Variants in CACNB2 observed in about 807,000 individuals in gnomAD.
The protein encoded by CACNB2 is voltage-dependent L-type calcium channel subunit beta-2.
Under a neutral mutation model 73.3 loss-of-function variants are expected in CACNB2, and 42 were observed. The ratio of observed to expected loss-of-function variants is 0.57; its 90% CI spans 0.45 to 0.74. CACNB2 has a LOEUF of 0.74. Ranked by LOEUF, CACNB2 falls within the 30% of genes least tolerant of loss-of-function variation. CACNB2 has a pLI of 0.00. For missense variants in CACNB2, 940 were observed against 853.0 expected (o/e 1.10, Z -1.27); for synonymous variants, 348 against 310.3 (o/e 1.12, Z -1.28).
chr10:18,465,238 G>A (rs2047813164), intron 3 of CACNB2, among the ~76,000 whole-genome samples: 2 of 152,210 alleles, frequency 1.3e-5, no homozygotes, highest in African/African-American at 2.4e-5. Context: ...GCTGAGGCAG[G>A]AGAATTGCTT....
At chr10:18,374,860 A>G (rs2042729815) in intron 2 of CACNB2, among the ~76,000 whole-genome samples, 1 of 152,132 alleles carries the variant, frequency 6.6e-6, no homozygotes. Flanking sequence ...TCAGCCTTAG[A>G]ACTGTAATGT....
chr10:18,476,277 G>A (rs1238711578), intron 3 of CACNB2, among the ~76,000 whole-genome samples: 1 of 152,146 alleles, frequency 6.6e-6, no homozygotes, highest in Non-Finnish European at 1.5e-5. Context: ...TACAGTGGAG[G>A]GTGTCCACGT....
intron 2 of CACNB2, among the ~76,000 whole-genome samples, chr10:18,303,365 T>A (rs2039601302): frequency 6.6e-6 from 1 of 151,976 alleles, no homozygotes; most frequent in Non-Finnish European, 1.5e-5. Flanking sequence ...GTTAGTCAAG[T>A]ATGGTGGTGC....
At chr10:18,468,228 G>T (rs1398776840) in intron 3 of CACNB2, among the ~76,000 whole-genome samples, 5 of 152,152 alleles carry the variant, frequency 3.3e-5, no homozygotes, top group African/African-American at 1.2e-4. Flanking sequence ...GGGAGGCTAA[G>T]GCAGGCCGAT....
chr10:18,261,023 T>A, intron 2 of CACNB2: 1 of 1,382,358 alleles, frequency 7.2e-7, no homozygotes, highest in Non-Finnish European at 9.4e-7. Context: ...GAAACCCCCT[T>A]GAAGAAGATC....
intron 2 of CACNB2, among the ~76,000 whole-genome samples, chr10:18,384,244 T>C (rs111286850): frequency 1.6e-4 from 24 of 152,266 alleles, no homozygotes; most frequent in Middle Eastern, 3.4e-3. Flanking sequence ...TGAGGGCAAC[T>C]TGAATATTTT....
chr10:18,221,977 G>T (rs933579063), intron 2 of CACNB2, among the ~76,000 whole-genome samples: 1 of 152,194 alleles, frequency 6.6e-6, no homozygotes, highest in Non-Finnish European at 1.5e-5. Context: ...AGGGACCAGA[G>T]AATTAGGATT....
At chr10:18,403,044 A>C (rs1423541549) in intron 3 of CACNB2, among the ~76,000 whole-genome samples, 1 of 152,204 alleles carries the variant, frequency 6.6e-6, no homozygotes, top group Non-Finnish European at 1.5e-5. Context: ...TGCGGCTGCC[A>C]TCATAGTCTA....
At chr10:18,506,053 A>G (rs1319436687) in intron 5 of CACNB2, among the ~76,000 whole-genome samples, 1 of 152,226 alleles carries the variant, frequency 6.6e-6, no homozygotes, top group Admixed American at 6.5e-5. Context: ...TATTAATAAA[A>G]TAAGCCTAAA....
chr10:18,530,878 T>G (rs2052949862), intron 10 of CACNB2, among the ~76,000 whole-genome samples: 1 of 152,136 alleles, frequency 6.6e-6, no homozygotes, highest in African/African-American at 2.4e-5. Flanking sequence ...GCCATAAAGC[T>G]CTATGAAGCG....
chr10:18,408,955 T>C (rs1488302992), intron 3 of CACNB2, among the ~76,000 whole-genome samples: 1 of 152,128 alleles, frequency 6.6e-6, no homozygotes, highest in Non-Finnish European at 1.5e-5. Context: ...TGGGCTCAAG[T>C]GATCCTCCCA....
chr10:18,365,360 C>T (rs2042305599), intron 2 of CACNB2, among the ~76,000 whole-genome samples: 1 of 152,194 alleles, frequency 6.6e-6, no homozygotes, highest in African/African-American at 2.4e-5. Flanking sequence ...TTTTAATTTT[C>T]AACCTTTCTT....
chr10:18,213,441 C>A (rs1539679), intron 2 of CACNB2, among the ~76,000 whole-genome samples: 134,641 of 152,192 alleles, frequency 0.88, 59,888 homozygotes, highest in African/African-American at 0.95. Context: ...TAGTGGCTTT[C>A]TCTTTGCTCT....
At chr10:18,398,696 C>T (rs199929166) in intron 2 of CACNB2, among the ~76,000 whole-genome samples, 36 of 145,714 alleles carry the variant, frequency 2.5e-4, no homozygotes, top group African/African-American at 7.0e-4. Context: ...CACACATACA[C>T]ACACACACAC....
intron 2 of CACNB2, among the ~76,000 whole-genome samples, chr10:18,347,711 A>C (rs1207581478): frequency 1.3e-5 from 2 of 152,126 alleles, no homozygotes; most frequent in Non-Finnish European, 2.9e-5. Context: ...AGCCTGAGTA[A>C]TTACTTAAGG....
chr10:18,170,868 A>G (rs1407048989), intron 2 of CACNB2, among the ~76,000 whole-genome samples: 1 of 152,194 alleles, frequency 6.6e-6, no homozygotes, highest in Non-Finnish European at 1.5e-5. Flanking sequence ...CATGTTTGGG[A>G]ATCTTACTAA....
chr10:18,476,425 G>A (rs1172191879), intron 3 of CACNB2, among the ~76,000 whole-genome samples: 2 of 152,138 alleles, frequency 1.3e-5, no homozygotes, highest in Non-Finnish European at 1.5e-5. Flanking sequence ...TCAAGAGCCC[G>A]GTTACAGAAT....
rs757173595 is a variant in CACNB2 at position 18,539,880 on chromosome 10, G to A, written c.*156G>A. The A allele has an allele frequency of 3.7e-6, 3 of 803,896 alleles. No homozygotes were observed. Among genetic ancestry groups the A allele is most frequent in the Non-Finnish European group, 5.8e-6 (3 of 520,014 alleles). The allele number at this position is 803,896 out of a possible 1,614,324, so 49.8% of individuals were successfully genotyped here. A position where few individuals can be genotyped will look rare whatever the true frequency, so the allele number is the denominator to read the frequency against. ...CTGTTGCTTGAATAGCAATAGCATG[G>A]ATAGAGTATTGAGATACTTTTTCTT... On this transcript the variant is annotated 3_prime_UTR_variant, in exon 14 of 14. Coordinates refer to ENST00000324631, the MANE Select transcript of CACNB2 (RefSeq NM_201596.3).
chr10:18,415,416 T>A (rs1208572034), intron 3 of CACNB2, among the ~76,000 whole-genome samples: 2 of 150,062 alleles, frequency 1.3e-5, no homozygotes, highest in African/African-American at 4.9e-5. Flanking sequence ...CAATAAGCTA[T>A]AACTGCACCA....
Sources: gnomAD v4.1 joint callset for allele counts (sites outside exome capture counted in the v4.1 genomes callset) on GRCh38, gnomAD v4.1.1 for gene constraint, MANE v1.5 for transcripts, NCBI Gene and HGNC (gene_info 2026-07-23, HGNC 2026-07-21) for gene names.